Variants in UNC5D observed in about 807,000 individuals in gnomAD.
The protein encoded by UNC5D is unc-5 netrin receptor D.
Under a neutral mutation model 105.4 loss-of-function variants are expected in UNC5D, and 39 were observed. The observed-to-expected ratio is 0.37, with a 90% CI of 0.29 to 0.48. The LOEUF (loss-of-function observed/expected upper bound fraction) is 0.48. Ranked by LOEUF, UNC5D falls within the 20% of genes least tolerant of loss-of-function variation. UNC5D has a pLI of 0.98. For missense variants in UNC5D, 991 were observed against 1,202.4 expected, an observed-to-expected ratio of 0.82 and a Z score of 2.60; for synonymous variants, 452 against 450.4, an observed-to-expected ratio of 1.00 and a Z score of -0.04.
chr8:35,288,505 A>C (rs1806787933), intron 1 of UNC5D, among the ~76,000 whole-genome samples: 1 of 152,216 alleles, frequency 6.6e-6, no homozygotes, highest in Non-Finnish European at 1.5e-5. Context: ...TTTTAATAAC[A>C]AAAGATATGT....
intron 1 of UNC5D, among the ~76,000 whole-genome samples, chr8:35,490,009 A>G (rs899590616): frequency 6.6e-6 from 1 of 152,254 alleles, no homozygotes. Flanking sequence ...ATCACTATTC[A>G]TATACAAATC....
intron 1 of UNC5D, among the ~76,000 whole-genome samples, chr8:35,533,296 A>T (rs1181080502): frequency 6.6e-6 from 1 of 151,902 alleles, no homozygotes; most frequent in African/African-American, 2.4e-5. Flanking sequence ...GTCTGTTGGA[A>T]TACCCTGCCG....
In UNC5D at chr8:35,677,336, AC is replaced by A. The variant is rs542263954; in HGVS notation, c.571-6210del. Among the ~76,000 whole-genome samples the A allele has an allele frequency of 1.4e-4, 21 of 152,286 alleles. No homozygotes were observed. In the East Asian group the frequency reaches 4.1e-3, roughly 29 times the overall value. ...AGTGTGAGCTCATTCCTCTGTGGAAACGCAGAACAGTCCCTTGTCTTTAACA... is the reference window on the plus strand; with the variant it reads ...AGTGTGAGCTCATTCCTCTGTGGAAAGCAGAACAGTCCCTTGTCTTTAACA... On this transcript the variant is annotated intron_variant, in intron 4 of 16. Transcript: ENST00000404895.
chr8:35,251,614 G>A (rs1213399889), intron 1 of UNC5D, among the ~76,000 whole-genome samples: 1 of 152,186 alleles, frequency 6.6e-6, no homozygotes, highest in Non-Finnish European at 1.5e-5. Context: ...TATATGGAAA[G>A]ATTATACAGT....
chr8:35,770,571 A>G (rs1464286038), intron 15 of UNC5D, among the ~76,000 whole-genome samples: 1 of 152,230 alleles, frequency 6.6e-6, no homozygotes, highest in Non-Finnish European at 1.5e-5. Context: ...GAATTACCTA[A>G]TGATTACTGC....
At chr8:35,403,101 C>T (rs1804577631) in intron 1 of UNC5D, among the ~76,000 whole-genome samples, 1 of 152,196 alleles carries the variant, frequency 6.6e-6, no homozygotes, top group Non-Finnish European at 1.5e-5. Context: ...CTCCATGTCA[C>T]CTATATTTAC....
intron 1 of UNC5D, among the ~76,000 whole-genome samples, chr8:35,320,645 C>G (rs908998017): frequency 6.6e-6 from 1 of 152,074 alleles, no homozygotes; most frequent in Non-Finnish European, 1.5e-5. Flanking sequence ...GAATTTGGTG[C>G]CTTATTGCTA....
intron 3 of UNC5D, among the ~76,000 whole-genome samples, chr8:35,591,518 G>T (rs1586199385): frequency 6.6e-6 from 1 of 152,028 alleles, no homozygotes; most frequent in South Asian, 2.1e-4. Flanking sequence ...TTTTAGCTTA[G>T]AGAACTATTA....
intron 3 of UNC5D, among the ~76,000 whole-genome samples, chr8:35,594,121 G>C (rs1448299040): frequency 6.6e-6 from 1 of 152,156 alleles, no homozygotes; most frequent in Non-Finnish European, 1.5e-5. Flanking sequence ...GCAGAGAAAT[G>C]AGAGAATGGA....
intron 1 of UNC5D, among the ~76,000 whole-genome samples, chr8:35,481,306 T>C (rs1810464714): frequency 6.6e-6 from 1 of 152,098 alleles, no homozygotes; most frequent in Non-Finnish European, 1.5e-5. Context: ...CAGCGTGTAT[T>C]AGTGCAATAT....
intron 1 of UNC5D, among the ~76,000 whole-genome samples, chr8:35,500,468 T>G (rs1350750370): frequency 6.6e-6 from 1 of 152,218 alleles, no homozygotes; most frequent in East Asian, 1.9e-4. Context: ...ATTAGGCTTA[T>G]AAGATGTTAA....
At chr8:35,363,923 C>T (rs1477990003) in intron 1 of UNC5D, among the ~76,000 whole-genome samples, 1 of 152,130 alleles carries the variant, frequency 6.6e-6, no homozygotes, top group African/African-American at 2.4e-5. Flanking sequence ...TGACTTACAG[C>T]TGTAGTCCCA....
chr8:35,252,895 A>G (rs1803808544), intron 1 of UNC5D, among the ~76,000 whole-genome samples: 1 of 152,148 alleles, frequency 6.6e-6, no homozygotes, highest in African/African-American at 2.4e-5. Context: ...TTCCAGGCCT[A>G]GTGATTTCCA....
At chr8:35,470,877 G>A (rs1296536022) in intron 1 of UNC5D, among the ~76,000 whole-genome samples, 1 of 152,092 alleles carries the variant, frequency 6.6e-6, no homozygotes, top group East Asian at 1.9e-4. Flanking sequence ...GCAGCATTGG[G>A]TGAGAACACC....
At chr8:35,421,735 C>T (rs1023781048) in intron 1 of UNC5D, among the ~76,000 whole-genome samples, 1 of 152,018 alleles carries the variant, frequency 6.6e-6, no homozygotes. Context: ...AAAAATACAA[C>T]ATTTATGAAA....
At chr8:35,386,967 T>C (rs1156441621) in intron 1 of UNC5D, among the ~76,000 whole-genome samples, 1 of 151,980 alleles carries the variant, frequency 6.6e-6, no homozygotes, top group Non-Finnish European at 1.5e-5. Context: ...TCGTGAATAA[T>C]GGAATGTGAT....
intron 1 of UNC5D, among the ~76,000 whole-genome samples, chr8:35,345,237 T>C (rs1811723396): frequency 6.6e-6 from 1 of 152,080 alleles, no homozygotes. Context: ...CATTTATTCC[T>C]GACCTGCTGT....
chr8:35,777,101 A>G (rs567167724), intron 16 of UNC5D, among the ~76,000 whole-genome samples: 1 of 152,352 alleles, frequency 6.6e-6, no homozygotes, highest in Admixed American at 6.5e-5. Flanking sequence ...TAAAAATACA[A>G]AAATTAGCTG....
chr8:35,279,180 C>T (rs980269743), intron 1 of UNC5D, among the ~76,000 whole-genome samples: 1 of 152,204 alleles, frequency 6.6e-6, no homozygotes, highest in Non-Finnish European at 1.5e-5. Context: ...GCTGTGTACA[C>T]TCAATGCCTG....
Sources: gnomAD v4.1 joint callset for allele counts (sites outside exome capture counted in the v4.1 genomes callset) on GRCh38, gnomAD v4.1.1 for gene constraint, MANE v1.5 for transcripts, NCBI Gene and HGNC (gene_info 2026-07-23, HGNC 2026-07-21) for gene names.